BTAF1: variants seen among roughly 807,000 people sequenced by gnomAD.
BTAF1 encodes TATA-binding protein-associated factor 172.
Under a neutral mutation model 227.1 loss-of-function variants are expected in BTAF1, and 38 were observed. The ratio of observed to expected loss-of-function variants is 0.17; its 90% confidence interval spans 0.13 to 0.22. The LOEUF is 0.22. Among genes scored for constraint, BTAF1 ranks in the 10% least tolerant of loss-of-function variants. The pLI, the probability that BTAF1 is intolerant of heterozygous loss-of-function variation, is 1.00. For synonymous variants in BTAF1, 742 were observed against 751.9 expected (o/e 0.99, Z 0.21); for missense variants, 1,598 against 2,204.0 (o/e 0.73, Z 5.51).
intron 4 of BTAF1, among the ~76,000 whole-genome samples, chr10:91,944,632 G>T (rs556475842): frequency 2.0e-5 from 3 of 152,164 alleles, no homozygotes; most frequent in Non-Finnish European, 4.4e-5. Context: ...ATACTCACAG[G>T]TATGTGTAAC....
chr10:91,991,906 C>G (rs1281488163), intron 20 of BTAF1, among the ~76,000 whole-genome samples: 2 of 151,120 alleles, frequency 1.3e-5, no homozygotes, highest in Non-Finnish European at 2.9e-5. Context: ...TCTCATTGTT[C>G]AGATGGCTCT....
chr10:91,923,874 C>A lies in BTAF1; in HGVS notation c.-203C>A. 1 of 529,370 alleles carries A rather than the reference C, an allele frequency of 1.9e-6. No individual in the cohort carries two copies. The highest frequency in any genetic ancestry group is 3.2e-6 in the Non-Finnish European group (1 of 315,382). 32.8% of individuals were successfully genotyped at this position (529,370 alleles called of 1,614,324 possible). On this transcript the variant is annotated 5_prime_UTR_variant, in exon 1 of 38. Transcript: ENST00000265990. ...GCCGCCTCCGCTACCGTCTTGGACCCCTGCTTACCGGCCGCCGCGGGGACG... is the reference window on the plus strand; with the variant it reads ...GCCGCCTCCGCTACCGTCTTGGACCACTGCTTACCGGCCGCCGCGGGGACG...
intron 13 of BTAF1, 24 bp downstream of exon 13, chr10:91,964,225 T>C (rs1365963204): frequency 1.2e-6 from 2 of 1,606,040 alleles, no homozygotes; most frequent in East Asian, 2.2e-5. Flanking sequence ...ATTAGTGGAA[T>C]AAAGTAAAAA....
chr10:91,978,861 A>G (rs1226108396), intron 14 of BTAF1, among the ~76,000 whole-genome samples: 2 of 124,888 alleles, frequency 1.6e-5, no homozygotes, highest in South Asian at 2.5e-4. Flanking sequence ...GTTCATGGGT[A>G]CATGTACAGG....
intron 4 of BTAF1, among the ~76,000 whole-genome samples, chr10:91,948,028 C>CT (rs1239732472): frequency 1.3e-5 from 2 of 151,656 alleles, no homozygotes; most frequent in Non-Finnish European, 2.9e-5. Flanking sequence ...TATTATTATA[C>CT]TTTAAGTTCT....
At chr10:91,973,289 A>T (rs1468457507) in intron 14 of BTAF1, among the ~76,000 whole-genome samples, 1 of 152,202 alleles carries the variant, frequency 6.6e-6, no homozygotes, top group Non-Finnish European at 1.5e-5. Context: ...CCTTTGTCAG[A>T]TTTGTCTAAC....
chr10:91,928,026 T>G (rs1418552720), intron 1 of BTAF1, among the ~76,000 whole-genome samples: 1 of 151,382 alleles, frequency 6.6e-6, no homozygotes, highest in Non-Finnish European at 1.5e-5. Context: ...TCACTATAGC[T>G]TTTTAATATT....
intron 20 of BTAF1, among the ~76,000 whole-genome samples, chr10:91,991,291 T>TATATATATATATATATATATATATATAA (rs1456317058): frequency 7.5e-6 from 1 of 133,052 alleles, no homozygotes; most frequent in Non-Finnish European, 1.6e-5. Context: ...TATATATATA[T>TATATATATATATATATATATATATATAA]AAATTATCCG....
chr10:91,933,961 T>G (rs1844431280), intron 1 of BTAF1, among the ~76,000 whole-genome samples: 1 of 152,166 alleles, frequency 6.6e-6, no homozygotes, highest in African/African-American at 2.4e-5. Context: ...GAAACCATTT[T>G]TTCCCCTTTC....
At chr10:91,986,649 C>T (rs1014528076) in intron 19 of BTAF1, among the ~76,000 whole-genome samples, 4 of 151,916 alleles carry the variant, frequency 2.6e-5, no homozygotes, top group African/African-American at 9.7e-5. Flanking sequence ...ACTTTTTTGC[C>T]TGTCTGGAAT....
At position 92,018,828 on chromosome 10, in the gene BTAF1, T is replaced by C. The variant is rs749979589; in HGVS notation, c.4756T>C (p.Leu1586=). Residue 1586 remains leucine (L), a synonymous_variant, in exon 34 of 38, where the codon TTA becomes CTA. Coordinates refer to ENST00000265990, the MANE Select transcript of BTAF1 (RefSeq NM_003972.3). ...RKLCNHPALV[L]TPQHPEFKTT... is the part of the protein sequence containing the mutation. ...ACTGTGCAACCATCCAGCATTAGTC[T>C]TAACACCTCAACATCCAGAATTCAA... is the stretch of plus-strand genomic sequence containing the variant. The C allele has an allele frequency of 6.2e-7, 1 of 1,609,496 alleles. No homozygotes were observed. The highest frequency in any genetic ancestry group is 1.7e-5 in the Admixed American group (1 of 58,544).
At chr10:91,961,237 C>G (rs1846488277) in intron 11 of BTAF1, among the ~76,000 whole-genome samples, 1 of 152,132 alleles carries the variant, frequency 6.6e-6, no homozygotes, top group African/African-American at 2.4e-5. Context: ...CCTTTTCTTA[C>G]CAGTTTAATT....
intron 11 of BTAF1, among the ~76,000 whole-genome samples, 180 bp downstream of exon 11, chr10:91,960,334 A>G (rs1589814569): frequency 2.0e-5 from 3 of 152,308 alleles, no homozygotes; most frequent in Middle Eastern, 6.8e-3. Flanking sequence ...TTTAAGTATA[A>G]ATCAAAAGAT....
chr10:92,006,011 C>G (rs1200020636), intron 25 of BTAF1, among the ~76,000 whole-genome samples: 2 of 151,984 alleles, frequency 1.3e-5, no homozygotes, highest in Admixed American at 6.6e-5. Context: ...GAAGCTGGGA[C>G]TACAGTCCCA....
At chr10:91,949,455 C>T (rs188561168) in intron 4 of BTAF1, among the ~76,000 whole-genome samples, 1 of 152,300 alleles carries the variant, frequency 6.6e-6, no homozygotes, top group Admixed American at 6.5e-5. Flanking sequence ...TTATTCTGCA[C>T]ATTATGAACG....
intron 13 of BTAF1, among the ~76,000 whole-genome samples, chr10:91,965,875 C>T (rs1846874695): frequency 6.6e-6 from 1 of 152,150 alleles, no homozygotes; most frequent in Non-Finnish European, 1.5e-5. Context: ...AAAGATAGGC[C>T]TCCTGGGAGG....
intron 25 of BTAF1, among the ~76,000 whole-genome samples, chr10:91,999,286 G>C (rs905312120): frequency 6.6e-6 from 1 of 152,022 alleles, no homozygotes; most frequent in African/African-American, 2.4e-5. Flanking sequence ...AAATAGGATA[G>C]CCTCTTTGAA....
chr10:91,925,745 C>T (rs1589722593), intron 1 of BTAF1, among the ~76,000 whole-genome samples: 1 of 152,106 alleles, frequency 6.6e-6, no homozygotes, highest in East Asian at 1.9e-4. Flanking sequence ...CTCCTTACCT[C>T]GTGATCCGCC....
At chr10:91,940,811 A>G (rs2133814075) in intron 3 of BTAF1, among the ~76,000 whole-genome samples, 1 of 152,006 alleles carries the variant, frequency 6.6e-6, no homozygotes, top group African/African-American at 2.4e-5. Flanking sequence ...CAACCTCCCA[A>G]GTAGCTGCGA....
Sources: allele counts gnomAD v4.1 joint callset (sites outside exome capture counted in the v4.1 genomes callset), GRCh38; gene constraint gnomAD v4.1.1; transcripts MANE v1.5; gene names NCBI Gene and HGNC (gene_info 2026-07-23, HGNC 2026-07-21).